HS3ST2: variants seen among roughly 807,000 people sequenced by gnomAD.
HS3ST2 encodes heparan sulfate glucosamine 3-O-sulfotransferase 2.
In HS3ST2, 17 loss-of-function variants were observed where a neutral mutation model predicts 26.3. That is an observed-to-expected ratio of 0.65 (90% CI 0.44 to 0.97). The LOEUF is 0.97. HS3ST2 is among the 50% of genes least tolerant of loss of function. The pLI, the probability that HS3ST2 is intolerant of heterozygous loss-of-function variation, is 0.00. For synonymous variants in HS3ST2, 237 were observed against 219.2 expected (o/e 1.08, Z -0.72); for missense variants, 402 against 501.2 (o/e 0.80, Z 1.89).
intron 1 of HS3ST2, among the ~76,000 whole-genome samples, chr16:22,900,606 C>T (rs1902270193): frequency 6.6e-6 from 1 of 151,630 alleles, no homozygotes; most frequent in Non-Finnish European, 1.5e-5. Flanking sequence ...TTAACTGAGA[C>T]ATGAGAAGTG....
rs760549864 is a variant in HS3ST2 at position 22,862,296 on chromosome 16, G to A, written c.485+47201G>A. 2.4e-5 allele frequency among the ~76,000 whole-genome samples: 3 copies of A among 126,698 alleles called. No homozygotes were observed. In the Admixed American group the frequency reaches 2.6e-4, roughly 11 times the overall value. The allele number at this position is 126,698 out of a possible 152,430, so 83.1% of individuals were successfully genotyped here. A position where few individuals can be genotyped will look rare whatever the true frequency, so the allele number is the denominator to read the frequency against. On this transcript the variant is annotated intron_variant, in intron 1 of 1. Coordinates refer to ENST00000261374, the MANE Select transcript of HS3ST2 (RefSeq NM_006043.2). ...TCAGCTTTTTTTTTTTTTTTTTTTG[G>A]TAGGGAATCAGAAGCAAAGGTTGCA...
At chr16:22,865,015 C>T (rs1301845783) in intron 1 of HS3ST2, among the ~76,000 whole-genome samples, 21 of 136,066 alleles carry the variant, frequency 1.5e-4, no homozygotes. Context: ...CCTGCCACTG[C>T]ACTCCAGCCT....
intron 1 of HS3ST2, among the ~76,000 whole-genome samples, chr16:22,890,334 T>C (rs1412596179): frequency 6.6e-6 from 1 of 152,210 alleles, no homozygotes; most frequent in Non-Finnish European, 1.5e-5. Context: ...CATTGAAATG[T>C]TTTTCACCAT....
chr16:22,868,272 G>C (rs1596619935), intron 1 of HS3ST2, among the ~76,000 whole-genome samples: 1 of 151,884 alleles, frequency 6.6e-6, no homozygotes, highest in African/African-American at 2.4e-5. Context: ...AGCTGGGCGT[G>C]GTGGCATGCA....
chr16:22,839,953 G>T (rs761922614), intron 1 of HS3ST2, among the ~76,000 whole-genome samples: 1 of 152,116 alleles, frequency 6.6e-6, no homozygotes, highest in East Asian at 1.9e-4. Flanking sequence ...GTCACATTCT[G>T]GAAAATAATA....
intron 1 of HS3ST2, among the ~76,000 whole-genome samples, chr16:22,912,756 G>A (rs1003381659): frequency 3.3e-5 from 5 of 152,112 alleles, no homozygotes; most frequent in African/African-American, 9.7e-5. Flanking sequence ...TACAAAAAGG[G>A]TGGTAGCTTC....
chr16:22,841,727 C>G (rs1040419858), intron 1 of HS3ST2, among the ~76,000 whole-genome samples: 1 of 152,184 alleles, frequency 6.6e-6, no homozygotes, highest in Non-Finnish European at 1.5e-5. Context: ...TTTCCTAATT[C>G]CCCTGCTTAC....
intron 1 of HS3ST2, among the ~76,000 whole-genome samples, chr16:22,881,495 G>T (rs961842020): frequency 2.6e-5 from 4 of 152,080 alleles, no homozygotes; most frequent in African/African-American, 9.7e-5. Flanking sequence ...CTCTAAAGAG[G>T]GTCCCAAAAT....
At chr16:22,857,714 TTTAGA>T (rs1256156027) in intron 1 of HS3ST2, among the ~76,000 whole-genome samples, 1 of 152,134 alleles carries the variant, frequency 6.6e-6, no homozygotes, top group Non-Finnish European at 1.5e-5. Context: ...TTCCTGCTGG[TTTAGA>T]TTAAAGCACA....
chr16:22,857,428 C>G (rs911808490), intron 1 of HS3ST2, among the ~76,000 whole-genome samples: 1 of 152,090 alleles, frequency 6.6e-6, no homozygotes, highest in East Asian at 1.9e-4. Context: ...GATTTTAAAG[C>G]GTAAACAGTG....
chr16:22,826,945 G>C (rs2141176783), intron 1 of HS3ST2, among the ~76,000 whole-genome samples: 1 of 152,310 alleles, frequency 6.6e-6, no homozygotes, highest in South Asian at 2.1e-4. Flanking sequence ...AAATAAGTAA[G>C]TCAAACATAT....
At chr16:22,905,211 A>T (rs1902334780) in intron 1 of HS3ST2, among the ~76,000 whole-genome samples, 1 of 152,172 alleles carries the variant, frequency 6.6e-6, no homozygotes, top group Non-Finnish European at 1.5e-5. Flanking sequence ...ATCAGTAATA[A>T]TCAGTGGTGT....
chr16:22,865,130 GA>G (rs1901734019), intron 1 of HS3ST2, among the ~76,000 whole-genome samples: 1 of 149,464 alleles, frequency 6.7e-6, no homozygotes, highest in South Asian at 2.1e-4. Context: ...CAGATTTTTT[GA>G]AAAATTAAAT....
chr16:22,900,541 T>G (rs1902269285), intron 1 of HS3ST2, among the ~76,000 whole-genome samples: 1 of 151,826 alleles, frequency 6.6e-6, no homozygotes, highest in African/African-American at 2.4e-5. Flanking sequence ...CCAATTGAAT[T>G]TGGTTATAGA....
chr16:22,914,996 A>G lies in HS3ST2; in HGVS notation c.538A>G (p.Ser180Gly). The G allele has an allele frequency of 6.2e-7, 1 of 1,613,908 alleles. No homozygotes were observed. Among genetic ancestry groups the G allele is most frequent in the Non-Finnish European group, 8.5e-7 (1 of 1,179,988 alleles). The change falls in exon 2 of 2, where the codon AGC becomes GGC. Residue 180 changes from serine (S) to glycine (G), a missense_variant. By Grantham distance (56) the Ser-to-Gly change is moderately conservative. Transcript: ENST00000261374. ...ESQITLEKTP[S>G]YFVTQEAPRR... ...CCAGATCACGCTGGAGAAGACGCCC[A>G]GCTACTTTGTCACTCAAGAGGCTCC...
intron 1 of HS3ST2, among the ~76,000 whole-genome samples, chr16:22,854,335 C>T (rs1901560522): frequency 6.6e-6 from 1 of 152,100 alleles, no homozygotes; most frequent in African/African-American, 2.4e-5. Context: ...GGATACGTAT[C>T]TAGGTTTTAG....
At chr16:22,815,990 A>C (rs1205666956) in intron 1 of HS3ST2, among the ~76,000 whole-genome samples, 1 of 152,204 alleles carries the variant, frequency 6.6e-6, no homozygotes, top group Non-Finnish European at 1.5e-5. Flanking sequence ...TAGACTGTCT[A>C]TGCTTCCCAT....
intron 1 of HS3ST2, among the ~76,000 whole-genome samples, chr16:22,855,282 C>A (rs1423865602): frequency 2.0e-5 from 3 of 152,126 alleles, no homozygotes; most frequent in Non-Finnish European, 4.4e-5. Context: ...TTTCCCCCAA[C>A]GTGGGCCTTG....
At chr16:22,906,715 A>G (rs1902359549) in intron 1 of HS3ST2, among the ~76,000 whole-genome samples, 1 of 152,264 alleles carries the variant, frequency 6.6e-6, no homozygotes, top group Non-Finnish European at 1.5e-5. Flanking sequence ...TGAAAACAAC[A>G]GAAAATTTCC....
Sources: gnomAD v4.1 joint callset for allele counts (sites outside exome capture counted in the v4.1 genomes callset) on GRCh38, gnomAD v4.1.1 for gene constraint, MANE v1.5 for transcripts, NCBI Gene and HGNC (gene_info 2026-07-23, HGNC 2026-07-21) for gene names.